The following DNAJC13 variants were observed in gnomAD, a reference collection of about 807,000 sequenced individuals.
DNAJC13 encodes the protein DnaJ heat shock protein family (Hsp40) member C13, also known as dnaJ homolog subfamily C member 13.
DNAJC13 carries 75 observed loss-of-function variants against 290.5 expected under a neutral mutation model. That is an observed-to-expected ratio of 0.26 (90% CI 0.21 to 0.31). The LOEUF (loss-of-function observed/expected upper bound fraction) is 0.31. Among genes scored for constraint, DNAJC13 ranks in the 10% least tolerant of loss-of-function variants. The pLI is 1.00. For missense variants in DNAJC13, 2,260 were observed against 2,674.5 expected, an observed-to-expected ratio of 0.85 and a Z score of 3.42; for synonymous variants, 862 against 892.0, an observed-to-expected ratio of 0.97 and a Z score of 0.60.
At chr3:132,473,688 A>G (rs559450421) in intron 21 of DNAJC13, among the ~76,000 whole-genome samples, 1 of 152,144 alleles carries the variant, frequency 6.6e-6, no homozygotes, top group African/African-American at 2.4e-5. Context: ...TCCTGGACAC[A>G]CACATACACA....
intron 13 of DNAJC13, chr3:132,458,316 A>G (rs1043885257): frequency 9.9e-5 from 15 of 152,244 alleles, no homozygotes; most frequent in African/African-American, 2.9e-4. Context: ...GTACATAAAC[A>G]TAAGTAAATA....
Position 132,516,825 on chromosome 3 carries a change from A to C in DNAJC13, c.5673+9A>C. 6.3e-7 allele frequency: 1 copy of C among 1,591,578 alleles called. No individual in the cohort carries two copies. On this transcript the variant is annotated intron_variant, in intron 48 of 55. Transcript: ENST00000260818. ...AACTGATAGGTCCAAAGGTAGGCAC[A>C]AAATAAGTTCTTGAAAGGAAATTAA... is the stretch of plus-strand genomic sequence containing the variant.
At chr3:132,474,875 T>C (rs908137227) in intron 21 of DNAJC13, 57 bp from the exon 22 acceptor site, 13 of 849,106 alleles carry the variant, frequency 1.5e-5, no homozygotes, top group South Asian at 1.1e-4. Flanking sequence ...GGGATATTTA[T>C]AGATTTTTTA....
At chr3:132,469,004 T>C (rs1422933516) in intron 20 of DNAJC13, among the ~76,000 whole-genome samples, 2 of 152,158 alleles carry the variant, frequency 1.3e-5, no homozygotes, top group African/African-American at 4.8e-5. Flanking sequence ...TTTAAAACAA[T>C]TGAGAGGGAA....
At position 132,506,146 on chromosome 3, in the gene DNAJC13, G is replaced by A. The variant is rs188135525; in HGVS notation, c.4998+731G>A. 7.4e-3 allele frequency among the ~76,000 whole-genome samples: 1,006 copies of A among 135,518 alleles called. 9 individuals carry two copies. Among genetic ancestry groups the A allele is most frequent in the African/African-American group, 0.026 (952 of 36,368 alleles). The allele number at this position is 135,518 out of a possible 152,430, so 88.9% of individuals were successfully genotyped here. A position where few individuals can be genotyped will look rare whatever the true frequency, so the allele number is the denominator to read the frequency against. ...CGGCTCGTCGCAACCTCCACCTCCT[G>A]GGTTCAAGTGATTCTCCTGCCTCAG... On this transcript the variant is annotated intron_variant, in intron 42 of 55. Transcript: ENST00000260818.
Position 132,514,584 on chromosome 3 carries a change from T to G in DNAJC13, c.5399T>G (p.Val1800Gly). The G allele has an allele frequency of 1.2e-6, 2 of 1,604,648 alleles. No homozygotes were observed. Among genetic ancestry groups the G allele is most frequent in the Non-Finnish European group, 1.7e-6 (2 of 1,176,728 alleles). Residue 1800 changes from valine (V) to glycine (G), a missense_variant, in exon 46 of 56, where the codon GTG becomes GGG. Val to Gly is a moderately radical substitution (Grantham distance 109, BLOSUM62 -3). Transcript: ENST00000260818. ...ATTAATTTTCAGGTTGTGAATATAG[T>G]GACATCTAACCAAGACTGTGTCAAC... ...QQLALEVVNI[V>G]TSNQDCVNNI...
intron 1 of DNAJC13, 125 bp downstream of exon 1, chr3:132,417,885 TAAGG>T (rs1938837284): frequency 6.5e-6 from 1 of 153,162 alleles, no homozygotes; most frequent in African/African-American, 2.4e-5. Context: ...CTGCAGCTGC[TAAGG>T]AAGCAGATTA....
In DNAJC13 at chr3:132,523,745, A is replaced by C. The variant is rs776612008; in HGVS notation, c.6060+32A>C. Reference sequence around the variant, plus strand: ...TTCAGTCAAAAGCAAAACATTTCAAAGACTTGGCTAACTAGACTGATGGTG... The same window carrying C: ...TTCAGTCAAAAGCAAAACATTTCAACGACTTGGCTAACTAGACTGATGGTG... On this transcript the variant is annotated intron_variant, in intron 51 of 55. Coordinates refer to ENST00000260818, the MANE Select transcript of DNAJC13 (RefSeq NM_015268.4). 19 of 1,596,696 alleles carry C rather than the reference A, an allele frequency of 1.2e-5. No individual in the cohort carries two copies. In the South Asian group the frequency reaches 2.1e-4, roughly 18 times the overall value.
At chr3:132,428,639 G>A (rs1939166432) in intron 1 of DNAJC13, among the ~76,000 whole-genome samples, 1 of 151,814 alleles carries the variant, frequency 6.6e-6, no homozygotes, top group South Asian at 2.1e-4. Flanking sequence ...CTCGATGTTG[G>A]TTAGAGTAAT....
Position 132,522,891 on chromosome 3 carries a change from G to A in DNAJC13, c.5737G>A (p.Glu1913Lys). 1.2e-6 allele frequency: 2 copies of A among 1,613,572 alleles called. No homozygotes were observed. The highest frequency in any genetic ancestry group is 2.2e-5 in the East Asian group (1 of 44,844). The change falls in exon 49 of 56, where the codon GAA becomes AAA. Residue 1913 changes from glutamate to lysine, a missense_variant. Glu to Lys is a moderately conservative substitution (Grantham distance 56). Around this residue, in one of 3 missense-constraint regions of DNAJC13, gnomAD observed 1,494 missense variants for 1,693.7 expected, o/e 0.88. Coordinates refer to ENST00000260818, the MANE Select transcript of DNAJC13 (RefSeq NM_015268.4). ...CATGGATGCTATGAGAGACAATCCT[G>A]AAGCTGCTGTACATATTTTTGAAGG... ...VFMDAMRDNPEAAVHIFEGTH... is the reference protein window; with the variant it reads ...VFMDAMRDNPKAAVHIFEGTH...
chr3:132,491,584 G>T (rs1935059372), intron 32 of DNAJC13, among the ~76,000 whole-genome samples: 1 of 152,132 alleles, frequency 6.6e-6, no homozygotes, highest in African/African-American at 2.4e-5. Flanking sequence ...TGCCATAGGA[G>T]AAACCTGTGG....
chr3:132,523,282 T>C, intron 50 of DNAJC13, 83 bp downstream of exon 50: 2 of 1,459,938 alleles, frequency 1.4e-6, no homozygotes, highest in Non-Finnish European at 1.9e-6. Flanking sequence ...AATGCCGACC[T>C]ATAACTACTT....
At chr3:132,489,138 T>C (rs1934979961) in intron 31 of DNAJC13, 117 bp downstream of exon 31, 2 of 719,734 alleles carry the variant, frequency 2.8e-6, no homozygotes, top group South Asian at 4.0e-5. Flanking sequence ...GTAGGTATTG[T>C]TTTATTCTGT....
At chr3:132,508,072 T>G (rs1034587134) in intron 43 of DNAJC13, among the ~76,000 whole-genome samples, 5 of 152,098 alleles carry the variant, frequency 3.3e-5, no homozygotes, top group Non-Finnish European at 7.4e-5. Context: ...ATATGGAAAG[T>G]TTTAATGATT....
Position 132,462,381 on chromosome 3 carries a change from G to GTATA in DNAJC13, c.1714-85_1714-82dup, listed in dbSNP as rs1933827422. Reference sequence around the variant, plus strand: ...TGTGGCTTATACCTTGTGTAAAAATGTATACCCTTCTTAAGAGTAACAGCT... The same window carrying GTATA: ...TGTGGCTTATACCTTGTGTAAAAATGTATATATACCCTTCTTAAGAGTAACAGCT... On this transcript the variant is annotated intron_variant, in intron 15 of 55. Coordinates refer to ENST00000260818, the MANE Select transcript of DNAJC13 (RefSeq NM_015268.4). 1.8e-5 allele frequency: 23 copies of GTATA among 1,299,816 alleles called. 1 individual carries two copies. In the South Asian group the frequency reaches 2.7e-4, roughly 15 times the overall value. 80.5% of individuals were successfully genotyped at this position (1,299,816 alleles called of 1,614,324 possible).
intron 35 of DNAJC13, among the ~76,000 whole-genome samples, chr3:132,496,014 A>G (rs1159057408): frequency 6.6e-6 from 1 of 152,164 alleles, no homozygotes; most frequent in Non-Finnish European, 1.5e-5. Context: ...AACTGAACAT[A>G]CAGTGTAACA....
At chr3:132,420,304 C>T (rs1938918110) in intron 1 of DNAJC13, among the ~76,000 whole-genome samples, 2 of 152,184 alleles carry the variant, frequency 1.3e-5, no homozygotes, top group South Asian at 4.1e-4. Flanking sequence ...TGCTGTGATT[C>T]TTCCCCTCTG....
At chr3:132,420,935 AAG>A (rs1291168435) in intron 1 of DNAJC13, among the ~76,000 whole-genome samples, 1 of 152,244 alleles carries the variant, frequency 6.6e-6, no homozygotes, top group African/African-American at 2.4e-5. Flanking sequence ...TCCCAAGAGA[AAG>A]AGCAGTCATC....
chr3:132,454,269 G>T, intron 9 of DNAJC13, 112 bp downstream of exon 9: 1 of 716,950 alleles, frequency 1.4e-6, no homozygotes, highest in East Asian at 3.3e-5. Context: ...TTTAATTTGG[G>T]AAAAGACATT....
Sources: gnomAD v4.1 joint callset for allele counts (sites outside exome capture counted in the v4.1 genomes callset) on GRCh38, gnomAD v4.1.1 for gene constraint, gnomAD v4.1.1 regional missense constraint, MANE v1.5 for transcripts, NCBI Gene and HGNC (gene_info 2026-07-23, HGNC 2026-07-21) for gene names.